Variants in NUP98 observed in about 807,000 individuals in gnomAD.
NUP98 encodes nucleoporin 98 and 96 precursor, also known as nuclear pore complex protein Nup98-Nup96.
NUP98 carries 26 observed loss-of-function variants against 191.9 expected under a neutral mutation model. The observed-to-expected ratio is 0.14, with a 90% CI of 0.10 to 0.19. NUP98 has a LOEUF of 0.19. NUP98 is among the 10% of genes least tolerant of loss of function. NUP98 has a pLI of 1.00. For missense variants in NUP98, 1,941 were observed against 2,178.8 expected (o/e 0.89, Z 2.17); for synonymous variants, 808 against 778.4 (o/e 1.04, Z -0.63).
At chr11:3,796,680 T>C (rs1015467252) in intron 1 of NUP98, among the ~76,000 whole-genome samples, 6 of 152,202 alleles carry the variant, frequency 3.9e-5, no homozygotes, top group African/African-American at 1.4e-4. Context: ...GGTGAGGTAG[T>C]AGAAAACTGT....
rs746193284 is a variant in NUP98, at chr11:3,719,402, A to G, written c.2399+10T>C. The G allele has an allele frequency of 3.8e-6, 6 of 1,576,610 alleles. No individual in the cohort carries two copies. The highest frequency in any genetic ancestry group is 4.3e-6 in the Non-Finnish European group (5 of 1,169,170). ...AGCTGATAATTTTCTGTATGTACATAAACTCTTACCTATTTAGCCCTTCAC... is the reference window on the plus strand; with the variant it reads ...AGCTGATAATTTTCTGTATGTACATGAACTCTTACCTATTTAGCCCTTCAC... On this transcript the variant is annotated intron_variant, in intron 18 of 32. Transcript: ENST00000324932.
At chr11:3,781,280 G>GA (rs1282582298) in intron 2 of NUP98, 4 of 150,960 alleles carry the variant, frequency 2.6e-5, no homozygotes, top group African/African-American at 9.8e-5. Context: ...CTCCTGGAAA[G>GA]AAAGAGATAA....
At position 3,768,783 on chromosome 11, in the gene NUP98, T is replaced by C. The variant is rs377535876; in HGVS notation, c.785-39A>G. ...GAAAAAAAAAAGAAAAAAGAAATAA[T>C]AAAAAAAATGTAAACACCCAAAAAT... On this transcript the variant is annotated intron_variant, in intron 7 of 32. Transcript: ENST00000324932. 368 of 1,456,220 alleles carry C rather than the reference T, an allele frequency of 2.5e-4. 1 individual carries two copies. Among genetic ancestry groups the C allele is most frequent in the Non-Finnish European group, 3.2e-4 (350 of 1,092,376 alleles). 90.2% of individuals were successfully genotyped at this position (1,456,220 alleles called of 1,614,324 possible).
At chr11:3,763,121 C>A (rs1302910590) in intron 8 of NUP98, 82 bp from the exon 9 acceptor site, 7 of 1,353,196 alleles carry the variant, frequency 5.2e-6, no homozygotes, top group South Asian at 1.4e-5. Context: ...AAAAAGTTAC[C>A]ATTTTTTCAA....
chr11:3,792,049 C>A (rs558421068), intron 1 of NUP98, among the ~76,000 whole-genome samples: 1 of 150,804 alleles, frequency 6.6e-6, no homozygotes, highest in Non-Finnish European at 1.5e-5. Context: ...CATGGTGGCA[C>A]GCCCCTGTAT....
chr11:3,758,721 G>A (rs1243438795), intron 10 of NUP98, among the ~76,000 whole-genome samples: 1 of 152,194 alleles, frequency 6.6e-6, no homozygotes, highest in East Asian at 1.9e-4. Context: ...GGAGGTGGAG[G>A]TTGCAGTGAG....
At chr11:3,768,088 A>G (rs538698659) in intron 8 of NUP98, among the ~76,000 whole-genome samples, 5 of 152,146 alleles carry the variant, frequency 3.3e-5, no homozygotes, top group Non-Finnish European at 7.4e-5. Flanking sequence ...ACAAGTAAAG[A>G]GTAGAGCCCA....
chr11:3,745,996 A>C (rs2080474767), intron 11 of NUP98, among the ~76,000 whole-genome samples: 1 of 152,130 alleles, frequency 6.6e-6, no homozygotes, highest in African/African-American at 2.4e-5. Context: ...AGGGCCGGGC[A>C]CGGTGCCTCA....
chr11:3,701,693 T>C (rs1281865347), intron 23 of NUP98, among the ~76,000 whole-genome samples: 2 of 148,708 alleles, frequency 1.3e-5, no homozygotes, highest in African/African-American at 2.4e-5. Context: ...TTTTCTCTCT[T>C]TTTTTTTTTT....
intron 11 of NUP98, among the ~76,000 whole-genome samples, chr11:3,752,518 AAAAT>A (rs3061901): frequency 1.4e-4 from 21 of 147,554 alleles, no homozygotes; most frequent in African/African-American, 2.3e-4. Context: ...CTCCATCTCC[AAAAT>A]AAATAAATAA....
chr11:3,753,239 A>C, intron 11 of NUP98, 77 bp downstream of exon 11: 4 of 1,226,320 alleles, frequency 3.3e-6, no homozygotes, highest in Non-Finnish European at 4.8e-6. Flanking sequence ...TAACATAATC[A>C]AACAGATCTC....
At chr11:3,701,677 TTTTTC>T (rs1444231588) in intron 23 of NUP98, among the ~76,000 whole-genome samples, 1 of 151,832 alleles carries the variant, frequency 6.6e-6, no homozygotes, top group African/African-American at 2.4e-5. Flanking sequence ...TTGTTTTTTC[TTTTTC>T]TTTTCTCTCT....
chr11:3,768,273 T>G (rs2134577089), intron 8 of NUP98, among the ~76,000 whole-genome samples: 1 of 151,960 alleles, frequency 6.6e-6, no homozygotes, highest in South Asian at 2.1e-4. Context: ...CACAAAAAAT[T>G]AGCTGGACAT....
At chr11:3,709,061 G>A (rs1306021540) in intron 20 of NUP98, among the ~76,000 whole-genome samples, 2 of 152,110 alleles carry the variant, frequency 1.3e-5, no homozygotes, top group South Asian at 2.1e-4. Flanking sequence ...AATACCTAAC[G>A]ATACAGCATT....
intron 8 of NUP98, among the ~76,000 whole-genome samples, chr11:3,766,709 A>AAG (rs1298055773): frequency 1.3e-5 from 2 of 151,692 alleles, no homozygotes; most frequent in Admixed American, 6.6e-5. Flanking sequence ...AAAAAAAAAA[A>AAG]AGAGAGAAGC....
At chr11:3,753,695 G>A (rs530499654) in intron 10 of NUP98, among the ~76,000 whole-genome samples, 1 of 128,248 alleles carries the variant, frequency 7.8e-6, no homozygotes, top group Non-Finnish European at 1.6e-5. Context: ...CAGATCACCT[G>A]AAGTCAGGAG....
chr11:3,754,188 G>C (rs1461975781), intron 10 of NUP98, among the ~76,000 whole-genome samples: 1 of 152,178 alleles, frequency 6.6e-6, no homozygotes, highest in Non-Finnish European at 1.5e-5. Context: ...CAACACTTTG[G>C]GAGGCCAAGG....
intron 21 of NUP98, among the ~76,000 whole-genome samples, 192 bp downstream of exon 21, chr11:3,706,253 G>C (rs2078855952): frequency 6.6e-6 from 1 of 152,108 alleles, no homozygotes; most frequent in Non-Finnish European, 1.5e-5. Flanking sequence ...CTATCTACTA[G>C]TTCTCAATAT....
chr11:3,791,427 G>A (rs2082343657), intron 1 of NUP98, among the ~76,000 whole-genome samples: 1 of 150,268 alleles, frequency 6.7e-6, no homozygotes, highest in African/African-American at 2.4e-5. Context: ...CCAGCTACTT[G>A]GGAGGCGGAG....
Sources: gnomAD v4.1 joint callset for allele counts (sites outside exome capture counted in the v4.1 genomes callset) on GRCh38, gnomAD v4.1.1 for gene constraint, MANE v1.5 for transcripts, NCBI Gene and HGNC (gene_info 2026-07-23, HGNC 2026-07-21) for gene names.